Variants in LINGO2 observed in about 807,000 individuals in gnomAD.
LINGO2 encodes the protein leucine-rich repeat and immunoglobulin-like domain-containing nogo receptor-interacting protein 2.
A neutral mutation model predicts 30.6 loss-of-function variants in LINGO2; 14 were observed. That is an observed-to-expected ratio of 0.46 (90% CI 0.30 to 0.72). The LOEUF is 0.72. Ranked by LOEUF, LINGO2 falls within the 30% of genes least tolerant of loss-of-function variation. The probability of loss-of-function intolerance (pLI) is 0.07; values close to 1 mark genes in which losing one functional copy is unlikely to be tolerated. For missense variants in LINGO2, 729 were observed against 751.7 expected (o/e 0.97, Z 0.35); for synonymous variants, 317 against 288.5 (o/e 1.10, Z -1.00).
chr9:28,459,700 T>C (rs897143821), intron 2 of LINGO2, among the ~76,000 whole-genome samples: 10 of 152,226 alleles, frequency 6.6e-5, no homozygotes, highest in African/African-American at 2.4e-4. Flanking sequence ...TGGTACCAAG[T>C]AAATATATTA....
the LINGO2 span, among the ~76,000 whole-genome samples, chr9:28,817,881 C>T: frequency 6.6e-6 from 1 of 152,142 alleles, no homozygotes; most frequent in Non-Finnish European, 1.5e-5. Context: ...AACATACTCA[C>T]AAGTTGACTG....
chr9:29,038,653 TA>T, the LINGO2 span, among the ~76,000 whole-genome samples: 3,902 of 122,334 alleles, frequency 0.032, 174 homozygotes, highest in African/African-American at 0.12. Context: ...GAGAATTAAT[TA>T]AACAGAGTTC....
At chr9:28,932,764 T>C in the LINGO2 span, among the ~76,000 whole-genome samples, 1 of 152,172 alleles carries the variant, frequency 6.6e-6, no homozygotes, top group Non-Finnish European at 1.5e-5. Context: ...TGTATCAATT[T>C]ACCACCCAGC....
At chr9:28,714,586 T>C in the LINGO2 span, among the ~76,000 whole-genome samples, 11 of 152,112 alleles carry the variant, frequency 7.2e-5, no homozygotes, top group African/African-American at 2.7e-4. Flanking sequence ...CCCTTTACTA[T>C]TAACGGCAGT....
At chr9:28,237,425 G>A (rs1195351338) in intron 4 of LINGO2, among the ~76,000 whole-genome samples, 1 of 151,952 alleles carries the variant, frequency 6.6e-6, no homozygotes, top group African/African-American at 2.4e-5. Flanking sequence ...TAAAATGGCA[G>A]GAGTAAGTCA....
rs1824669162 is a variant in LINGO2, at chr9:28,051,477, G to C, written c.-86-39072C>G. Among the ~76,000 whole-genome samples, 5 of 151,910 alleles carry C rather than the reference G, an allele frequency of 3.3e-5. No homozygotes were observed. The Admixed American group carries it at 3.3e-4, about 10-fold the overall frequency. On this transcript the variant is annotated intron_variant, in intron 4 of 5. Transcript: ENST00000379992. ...CCAAGTGTATGCACATCAAATGCTGGTATTTTGCATATATTTATCCAAAAA... is the reference window on the plus strand; with the variant it reads ...CCAAGTGTATGCACATCAAATGCTGCTATTTTGCATATATTTATCCAAAAA...
chr9:28,322,076 A>G (rs965554658), intron 3 of LINGO2, among the ~76,000 whole-genome samples: 1 of 152,102 alleles, frequency 6.6e-6, no homozygotes, highest in Non-Finnish European at 1.5e-5. Context: ...TTCATCTCCA[A>G]TTTTGTCTTG....
intron 1 of LINGO2, among the ~76,000 whole-genome samples, chr9:28,578,384 T>G (rs1824093620): frequency 6.6e-6 from 1 of 152,190 alleles, no homozygotes; most frequent in Admixed American, 6.6e-5. Flanking sequence ...ATTAAATTTA[T>G]CCAATTAATC....
chr9:28,187,801 C>CATAT, intron 4 of LINGO2, among the ~76,000 whole-genome samples: 1 of 152,170 alleles, frequency 6.6e-6, no homozygotes. Context: ...TCTTAACATA[C>CATAT]ATATGATAAC....
At chr9:28,343,250 C>T (rs902780031) in intron 3 of LINGO2, among the ~76,000 whole-genome samples, 1 of 152,134 alleles carries the variant, frequency 6.6e-6, no homozygotes, top group Non-Finnish European at 1.5e-5. Flanking sequence ...TAAACCTACA[C>T]TTTGCTTATA....
At chr9:28,082,840 T>G (rs1488008562) in intron 4 of LINGO2, among the ~76,000 whole-genome samples, 1 of 152,108 alleles carries the variant, frequency 6.6e-6, no homozygotes, top group Non-Finnish European at 1.5e-5. Context: ...TATCCTTCAG[T>G]CGGTAAAATC....
chr9:28,004,496 AGTTT>A (rs1339281165), intron 5 of LINGO2, among the ~76,000 whole-genome samples: 2 of 152,208 alleles, frequency 1.3e-5, no homozygotes, highest in Non-Finnish European at 2.9e-5. Context: ...AATGTAAGCC[AGTTT>A]GTCACATAGG....
intron 2 of LINGO2, among the ~76,000 whole-genome samples, chr9:28,393,991 C>T (rs1004807298): frequency 3.6e-5 from 4 of 110,682 alleles, no homozygotes; most frequent in African/African-American, 1.2e-4. Flanking sequence ...ATAACTTGTA[C>T]TAACCTCTTT....
rs757320509 is a variant in LINGO2, at chr9:27,950,686, G to A, written c.-15C>T. 28 of 1,491,814 alleles carry A rather than the reference G, an allele frequency of 1.9e-5. No homozygotes were observed. The East Asian group carries it at 6.5e-4, about 35-fold the overall frequency. The allele number at this position is 1,491,814 out of a possible 1,614,324, so 92.4% of individuals were successfully genotyped here. A position where few individuals can be genotyped will look rare whatever the true frequency, so the allele number is the denominator to read the frequency against. On this transcript the variant is annotated 5_prime_UTR_variant, in exon 6 of 6. Coordinates refer to ENST00000379992, the Ensembl canonical transcript of LINGO2. ...GTGTGAAGCATGACTCCACTTCTTA[G>A]TCTACACCTTGGTCACGGGTCTGCA... is the stretch of plus-strand genomic sequence containing the variant.
intron 1 of LINGO2, among the ~76,000 whole-genome samples, chr9:28,659,416 T>G (rs939444259): frequency 6.6e-6 from 1 of 152,010 alleles, no homozygotes; most frequent in African/African-American, 2.4e-5. Context: ...AAGACAGCAA[T>G]AGCTTGACAG....
intron 5 of LINGO2, among the ~76,000 whole-genome samples, chr9:27,993,163 A>G (rs2119048346): frequency 6.6e-6 from 1 of 152,222 alleles, no homozygotes; most frequent in Middle Eastern, 3.4e-3. Flanking sequence ...TTCAAATTGC[A>G]GTTGAATTTA....
chr9:28,031,890 C>T (rs1823693670), intron 4 of LINGO2, among the ~76,000 whole-genome samples: 1 of 152,158 alleles, frequency 6.6e-6, no homozygotes. Context: ...TGCTCCAAAT[C>T]CTCCTTAAAA....
chr9:28,050,784 A>G (rs1049698307), intron 4 of LINGO2, among the ~76,000 whole-genome samples: 2 of 150,946 alleles, frequency 1.3e-5, no homozygotes, highest in African/African-American at 4.9e-5. Flanking sequence ...ATATTCATGT[A>G]ATTCATACAT....
intron 1 of LINGO2, among the ~76,000 whole-genome samples, chr9:28,622,766 C>T (rs1260896141): frequency 2.0e-5 from 3 of 151,036 alleles, no homozygotes; most frequent in Non-Finnish European, 4.4e-5. Context: ...AAGCTCCAAA[C>T]TATTCTCCAT....
Sources: allele counts gnomAD v4.1 joint callset (sites outside exome capture counted in the v4.1 genomes callset), GRCh38; gene constraint gnomAD v4.1.1; transcripts MANE v1.5; gene names NCBI Gene and HGNC (gene_info 2026-07-23, HGNC 2026-07-21).